Variants in AFF3 observed in about 807,000 individuals in gnomAD.
AFF3 encodes the protein ALF transcription elongation factor 3.
In AFF3, 32 loss-of-function variants were observed where a neutral mutation model predicts 129.7. That is an observed-to-expected ratio of 0.25 (90% confidence interval 0.19 to 0.33). AFF3 has a LOEUF of 0.33. Among genes scored for constraint, AFF3 ranks in the 10% least tolerant of loss-of-function variants. The pLI, the probability that AFF3 is intolerant of heterozygous loss-of-function variation, is 1.00. For missense variants in AFF3, 1,373 were observed against 1,592.0 expected (o/e 0.86, Z 2.34); for synonymous variants, 644 against 635.4 (o/e 1.01, Z -0.20).
chr2:100,052,545 C>T (rs1247984835), intron 4 of AFF3, among the ~76,000 whole-genome samples: 1 of 152,112 alleles, frequency 6.6e-6, no homozygotes, highest in Non-Finnish European at 1.5e-5. Context: ...TAACAGCAAA[C>T]TTTCACACCA....
intron 11 of AFF3, among the ~76,000 whole-genome samples, chr2:99,699,594 G>A (rs1351077381): frequency 1.4e-5 from 2 of 141,772 alleles, no homozygotes; most frequent in African/African-American, 2.6e-5. Context: ...TTGTATCTCA[G>A]ACGGTAGTGC....
At chr2:99,754,392 C>G (rs1199087370) in intron 8 of AFF3, among the ~76,000 whole-genome samples, 1 of 152,160 alleles carries the variant, frequency 6.6e-6, no homozygotes, top group East Asian at 1.9e-4. Context: ...GACAACATTG[C>G]GAAGTACAAA....
At chr2:99,870,290 G>A (rs1691775216) in intron 7 of AFF3, among the ~76,000 whole-genome samples, 1 of 152,184 alleles carries the variant, frequency 6.6e-6, no homozygotes, top group African/African-American at 2.4e-5. Flanking sequence ...TGAGATTGAG[G>A]CTGTAGTTGG....
intron 7 of AFF3, among the ~76,000 whole-genome samples, chr2:99,950,261 C>T (rs1239420927): frequency 6.6e-6 from 1 of 152,176 alleles, no homozygotes; most frequent in Non-Finnish European, 1.5e-5. Context: ...TGTTTCTATA[C>T]TCTTTTCCTT....
intron 18 of AFF3, among the ~76,000 whole-genome samples, chr2:99,571,989 A>AT (rs377199592): frequency 2.9e-4 from 44 of 149,900 alleles, no homozygotes; most frequent in Non-Finnish European, 4.0e-4. Context: ...CTAATCTTCT[A>AT]TTTTTTTTTT....
chr2:99,880,791 G>A (rs569710652), intron 7 of AFF3, among the ~76,000 whole-genome samples: 24 of 152,260 alleles, frequency 1.6e-4, no homozygotes, highest in African/African-American at 5.8e-4. Flanking sequence ...GGAAAGAACG[G>A]GCATCTGTAT....
chr2:99,943,601 CTGAG>C (rs1675271118), intron 7 of AFF3, among the ~76,000 whole-genome samples: 1 of 152,222 alleles, frequency 6.6e-6, no homozygotes, highest in African/African-American at 2.4e-5. Context: ...TATCAAGTGA[CTGAG>C]TTTTTCCCTA....
At chr2:99,897,314 C>A (rs1164501465) in intron 7 of AFF3, among the ~76,000 whole-genome samples, 1 of 152,072 alleles carries the variant, frequency 6.6e-6, no homozygotes, top group African/African-American at 2.4e-5. Context: ...CAGTCACATG[C>A]AATTAATTTG....
At chr2:99,860,601 G>A (rs571185898) in intron 7 of AFF3, among the ~76,000 whole-genome samples, 87 of 151,960 alleles carry the variant, frequency 5.7e-4, no homozygotes, top group African/African-American at 2.0e-3. Flanking sequence ...GGTGGTGTGC[G>A]CCTGTAATCC....
Position 99,618,224 on chromosome 2 carries a change from C to CTTTTTTTTT in AFF3, c.1185-16612_1185-16604dup, listed in dbSNP as rs70940180. ...TAGATGAGAAAATGCTCATAACATT[C>CTTTTTTTTT]TTTTTTTTTTTTTTTTTTTTTTTTT... On this transcript the variant is annotated intron_variant, in intron 13 of 24. Coordinates refer to ENST00000672756, the MANE Select transcript of AFF3 (RefSeq NM_001386135.1). Among the ~76,000 whole-genome samples the CTTTTTTTTT allele has an allele frequency of 9.5e-4, 76 of 80,082 alleles. 9 individuals are homozygous for CTTTTTTTTT. Among genetic ancestry groups the CTTTTTTTTT allele is most frequent in the African/African-American group, 3.6e-3 (64 of 17,692 alleles). The allele number at this position is 80,082 out of a possible 152,430, so 52.5% of individuals were successfully genotyped here. A position where few individuals can be genotyped will look rare whatever the true frequency, so the allele number is the denominator to read the frequency against.
chr2:99,692,268 A>C (rs1468653512), intron 11 of AFF3, among the ~76,000 whole-genome samples: 1 of 152,080 alleles, frequency 6.6e-6, no homozygotes, highest in African/African-American at 2.4e-5. Context: ...CCAGTTGCTA[A>C]CTCTGATTTG....
chr2:99,579,450 T>C (rs1331937926), intron 17 of AFF3, among the ~76,000 whole-genome samples: 1 of 150,252 alleles, frequency 6.7e-6, no homozygotes, highest in East Asian at 2.0e-4. Flanking sequence ...CCAGGCATGG[T>C]GGCTCACACC....
chr2:99,949,726 T>C (rs759819526), intron 7 of AFF3, among the ~76,000 whole-genome samples: 32 of 152,162 alleles, frequency 2.1e-4, no homozygotes, highest in Non-Finnish European at 7.4e-5. Flanking sequence ...ATGCCAGCAA[T>C]GGGGAGCTTC....
chr2:99,959,883 C>A (rs1328539591), intron 7 of AFF3, among the ~76,000 whole-genome samples: 1 of 151,858 alleles, frequency 6.6e-6, no homozygotes, highest in Non-Finnish European at 1.5e-5. Context: ...CCTATGGCTT[C>A]CCCCTGCATC....
At chr2:99,963,968 G>A (rs1289580462) in intron 7 of AFF3, among the ~76,000 whole-genome samples, 9 of 151,884 alleles carry the variant, frequency 5.9e-5, no homozygotes, top group African/African-American at 1.9e-4. Context: ...AGGCAGAAAT[G>A]GCTATATTAA....
intron 13 of AFF3, among the ~76,000 whole-genome samples, chr2:99,626,605 T>C (rs1682612652): frequency 6.7e-6 from 1 of 149,584 alleles, no homozygotes; most frequent in Non-Finnish European, 1.5e-5. Flanking sequence ...AGGTCAGGGG[T>C]ACATGTGCAG....
At chr2:99,733,915 A>T (rs1398984061) in intron 10 of AFF3, among the ~76,000 whole-genome samples, 1 of 152,208 alleles carries the variant, frequency 6.6e-6, no homozygotes, top group Non-Finnish European at 1.5e-5. Flanking sequence ...TAGCCCTTTG[A>T]TCTATTGTAT....
intron 13 of AFF3, among the ~76,000 whole-genome samples, chr2:99,648,915 A>ACACACACACACACACACTCTCTCTCT (rs1684956102): frequency 2.8e-5 from 1 of 35,580 alleles, no homozygotes; most frequent in Non-Finnish European, 7.0e-5. Context: ...ACACACACAC[A>ACACACACACACACACACTCTCTCTCT]CACTCTCTCT....
chr2:99,911,528 T>C (rs914843453), intron 7 of AFF3, among the ~76,000 whole-genome samples: 1 of 152,148 alleles, frequency 6.6e-6, no homozygotes, highest in African/African-American at 2.4e-5. Context: ...CAGTAGTCAT[T>C]TGGGGTTTCC....
Sources: allele counts gnomAD v4.1 joint callset (sites outside exome capture counted in the v4.1 genomes callset), GRCh38; gene constraint gnomAD v4.1.1; transcripts MANE v1.5; gene names NCBI Gene and HGNC (gene_info 2026-07-23, HGNC 2026-07-21).